The following TFF2 variants were observed in gnomAD, a reference collection of about 807,000 sequenced individuals.
TFF2 encodes spasmolysin.
In TFF2, 19 loss-of-function variants were observed where a neutral mutation model predicts 16.0. The ratio of observed to expected loss-of-function variants is 1.19; its 90% CI spans 0.83 to 1.74. TFF2 has a LOEUF of 1.74. TFF2 is among the 40% of genes most tolerant of loss of function. TFF2 has a pLI of 0.00. For synonymous variants in TFF2, 61 were observed against 65.4 expected (o/e 0.93, Z 0.32); for missense variants, 168 against 166.8 (o/e 1.01, Z -0.04).
chr21:42,348,230 T>G (rs543317413), intron 2 of TFF2, among the ~76,000 whole-genome samples: 1 of 150,374 alleles, frequency 6.7e-6, no homozygotes, highest in Non-Finnish European at 1.5e-5. Flanking sequence ...AACCTTCCTT[T>G]GAGCACTCGT....
chr21:42,346,631 A>G lies in TFF2; in HGVS notation c.377-85T>C, dbSNP rs963247287. The G allele has an allele frequency of 7.6e-6, 11 of 1,447,732 alleles. No individual in the cohort carries two copies. The African/African-American group carries it at 1.6e-4, about 21-fold the overall frequency. The allele number at this position is 1,447,732 out of a possible 1,614,324, so 89.7% of individuals were successfully genotyped here. A position where few individuals can be genotyped will look rare whatever the true frequency, so the allele number is the denominator to read the frequency against. On this transcript the variant is annotated intron_variant, in intron 3 of 3. Transcript: ENST00000291526. ...TGCGAAGCTGGGGTGGGCGTGCATC[A>G]CTTTGCCCAGGAGCTTCCTACTGAA...
At position 42,347,389 on chromosome 21, in the gene TFF2, G is replaced by A. The variant is rs1479929342; in HGVS notation, c.376+97C>T. 7 of 1,531,324 alleles carry A rather than the reference G, an allele frequency of 4.6e-6. No individual in the cohort carries two copies. In the Admixed American group the frequency reaches 5.2e-5, roughly 11 times the overall value. The allele number at this position is 1,531,324 out of a possible 1,614,324, so 94.9% of individuals were successfully genotyped here. On this transcript the variant is annotated intron_variant, in intron 3 of 3. Transcript: ENST00000291526. ...GGGCCCTGGCCTCGATGGCACTGAG[G>A]CTGCGAGGCAGCTCCCCTCCCTGCA... is the stretch of plus-strand genomic sequence containing the variant.
intron 3 of TFF2, 109 bp from the exon 4 acceptor site, chr21:42,346,655 A>C: frequency 1.6e-6 from 2 of 1,235,056 alleles, no homozygotes; most frequent in Non-Finnish European, 2.2e-6. Context: ...CTTCCTACTG[A>C]AGAAGGAGCT....
intron 2 of TFF2, among the ~76,000 whole-genome samples, chr21:42,349,567 C>A (rs909094901): frequency 1.9e-5 from 2 of 105,508 alleles, no homozygotes; most frequent in Non-Finnish European, 4.1e-5. Flanking sequence ...AACCAACCTG[C>A]GCTAGCTCCA....
In TFF2 at chr21:42,349,949, T is replaced by C; in HGVS notation, c.161A>G (p.Asp54Gly). The C allele has an allele frequency of 6.2e-7, 1 of 1,600,202 alleles. No homozygotes were observed. The highest frequency in any genetic ancestry group is 8.5e-7 in the Non-Finnish European group (1 of 1,173,266). ...ACTGGAGTCGAAACAGCATCCATTG[T>C]CAAAACACTGGTCACTGGTGATTCC... is the stretch of plus-strand genomic sequence containing the variant. ...FPGITSDQCF[D>G]NGCCFDSSVT... Residue 54 changes from aspartate (D) to glycine (G), a missense_variant, in exon 2 of 4, where the codon GAC (aspartate) becomes GGC (glycine). Physicochemically the swap from Asp to Gly is moderately conservative, Grantham distance 94. Transcript: ENST00000291526.
intron 2 of TFF2, among the ~76,000 whole-genome samples, chr21:42,348,953 G>T (rs758759597): frequency 8.6e-5 from 13 of 151,252 alleles, no homozygotes; most frequent in Non-Finnish European, 1.6e-4. Flanking sequence ...TAGCAGTCCA[G>T]GCTAGTCCCA....
At chr21:42,350,676 C>G (rs2052109775) in intron 1 of TFF2, among the ~76,000 whole-genome samples, 1 of 152,210 alleles carries the variant, frequency 6.6e-6, no homozygotes, top group Non-Finnish European at 1.5e-5. Flanking sequence ...CCCGCTGACA[C>G]CTGCCGTCAC....
Position 42,346,447 on chromosome 21 carries a change from T to C in TFF2, c.*86A>G. ...ATGGTTAAGAAAACCCAGGATTTCA[T>C]GAAGTATGAAGCTGATAAGGCGAAG... On this transcript the variant is annotated 3_prime_UTR_variant, in exon 4 of 4. Coordinates refer to ENST00000291526, the MANE Select transcript of TFF2 (RefSeq NM_005423.5). 6.6e-7 allele frequency: 1 copy of C among 1,515,000 alleles called. No individual in the cohort carries two copies. The highest frequency in any genetic ancestry group is 9.1e-7 in the Non-Finnish European group (1 of 1,097,140). The allele number at this position is 1,515,000 out of a possible 1,614,324, so 93.8% of individuals were successfully genotyped here. A position where few individuals can be genotyped will look rare whatever the true frequency, so the allele number is the denominator to read the frequency against.
intron 2 of TFF2, among the ~76,000 whole-genome samples, 180 bp downstream of exon 2, chr21:42,349,676 CAGACTAACCAACCTGGGCTAGCTCT>C (rs1249333647): frequency 3.1e-4 from 36 of 115,164 alleles, no homozygotes; most frequent in Admixed American, 2.9e-3. Context: ...GGGCTAGCCC[CAGACTAACCAACCTGGGCTAGCTCT>C]AGACTAACCA....
chr21:42,348,307 G>A (rs1243765103), intron 2 of TFF2, among the ~76,000 whole-genome samples: 1 of 152,146 alleles, frequency 6.6e-6, no homozygotes, highest in Non-Finnish European at 1.5e-5. Context: ...AACCCTAGAA[G>A]GCTTCACTTC....
In TFF2 at chr21:42,348,146, C is replaced by A. The variant is rs142618516; in HGVS notation, c.230-514G>T. 3.5e-3 allele frequency among the ~76,000 whole-genome samples: 539 copies of A among 152,340 alleles called. 1 individual carries two copies. Among genetic ancestry groups the A allele is most frequent in the African/African-American group, 0.011 (473 of 41,568 alleles). ...CGGGGCCCAGCAAGCCTCCCAGCAA[C>A]AATCTTGGGGATGAATCCTCCTTCT... On this transcript the variant is annotated intron_variant, in intron 2 of 3. Coordinates refer to ENST00000291526, the MANE Select transcript of TFF2 (RefSeq NM_005423.5).
chr21:42,347,485 C>A lies in TFF2; in HGVS notation c.376+1G>T. ...GACAGAGAGTCCCACAGCGACGTTA[C>A]CTTCCACAGACTTCGGGAAGAAGCA... On this transcript the variant is annotated splice_donor_variant, in intron 3 of 3. Transcript: ENST00000291526. LOFTEE classifies it high-confidence loss of function. 2 of 1,614,142 alleles carry A rather than the reference C, an allele frequency of 1.2e-6. No individual in the cohort carries two copies. Among genetic ancestry groups the A allele is most frequent in the Middle Eastern group, 1.7e-4 (1 of 6,060 alleles).
intron 3 of TFF2, 85 bp downstream of exon 3, chr21:42,347,401 C>T (rs1054319525): frequency 6.4e-7 from 1 of 1,573,754 alleles, no homozygotes; most frequent in Non-Finnish European, 8.7e-7. Flanking sequence ...TGCGAGGCAG[C>T]TCCCCTCCCT....
At position 42,347,636 on chromosome 21, in the gene TFF2, CCAT is replaced by C. The variant is rs775651507; in HGVS notation, c.230-7_230-5del. 3 of 1,613,604 alleles carry C rather than the reference CCAT, an allele frequency of 1.9e-6. No individual in the cohort carries two copies. The highest frequency in any genetic ancestry group is 2.5e-6 in the Non-Finnish European group (3 of 1,179,914). ...TCCATGACGCACTGATCCGACTCTG[CCAT>C]GGGACAGGCACAGCACCGAGACCCA... On this transcript the variant is annotated splice_region_variant and splice_polypyrimidine_tract_variant and intron_variant, in intron 2 of 3. Transcript: ENST00000291526.
At chr21:42,346,608 C>G in intron 3 of TFF2, 62 bp from the exon 4 acceptor site, 1 of 1,545,518 alleles carries the variant, frequency 6.5e-7, no homozygotes, top group Non-Finnish European at 8.7e-7. Flanking sequence ...GCCTAGGCTG[C>G]GAAGCTGGGG....
intron 1 of TFF2, 21 bp from the exon 2 acceptor site, chr21:42,350,051 G>C: frequency 6.3e-7 from 1 of 1,585,892 alleles, no homozygotes; most frequent in South Asian, 1.1e-5. Flanking sequence ...ACCCTCAGTC[G>C]GCCCCACCCT....
chr21:42,347,934 G>A (rs2052082255), intron 2 of TFF2, among the ~76,000 whole-genome samples: 1 of 152,166 alleles, frequency 6.6e-6, no homozygotes, highest in South Asian at 2.1e-4. Context: ...CCCCCGCCTT[G>A]GGGAAATCAT....
chr21:42,350,900 G>A lies in TFF2; in HGVS notation c.58C>T (p.Leu20=). 6.2e-7 allele frequency: 1 copy of A among 1,613,762 alleles called. No individual in the cohort carries two copies. The highest frequency in any genetic ancestry group is 1.1e-5 in the South Asian group (1 of 91,036). ...TTACAGGGTTTCTCACTCCCCGCCA[G>A]GGCACATAGCCCCAGGACGAGGAGC... ...AALLVLGLCA[L]AGSEKPSPCQ... is the part of the protein sequence containing the mutation. The change falls in exon 1 of 4, where the codon CTG becomes TTG. Residue 20 remains leucine (L), a synonymous_variant. Transcript: ENST00000291526.
At chr21:42,348,827 A>C (rs1264598784) in intron 2 of TFF2, among the ~76,000 whole-genome samples, 1 of 151,980 alleles carries the variant, frequency 6.6e-6, no homozygotes, top group Non-Finnish European at 1.5e-5. Flanking sequence ...GGCTACCTCT[A>C]GACTAGCAGT....
Sources: allele counts gnomAD v4.1 joint callset (sites outside exome capture counted in the v4.1 genomes callset), GRCh38; gene constraint gnomAD v4.1.1; transcripts MANE v1.5; gene names NCBI Gene and HGNC (gene_info 2026-07-23, HGNC 2026-07-21).